CD164: variants seen among roughly 807,000 people sequenced by gnomAD.
The protein encoded by CD164 is sialomucin core protein 24.
A neutral mutation model predicts 24.6 loss-of-function variants in CD164; 11 were observed. That is an observed-to-expected ratio of 0.45 (90% CI 0.28 to 0.74). The LOEUF (loss-of-function observed/expected upper bound fraction) is 0.74, where lower values mean the gene tolerates loss of function less well. Among genes scored for constraint, CD164 ranks in the 30% least tolerant of loss-of-function variants. The pLI is 0.13. For synonymous variants in CD164, 126 were observed against 100.3 expected (o/e 1.26, Z -1.53); for missense variants, 295 against 243.7 (o/e 1.21, Z -1.40).
chr6:109,379,758 A>G (rs1771631145), intron 1 of CD164, 96 bp from the exon 2 acceptor site: 1 of 838,220 alleles, frequency 1.2e-6, no homozygotes, highest in Non-Finnish European at 1.9e-6. Context: ...TAAGCATTAC[A>G]TACAGCATCA....
intron 4 of CD164, among the ~76,000 whole-genome samples, chr6:109,373,283 T>C (rs1042195426): frequency 6.6e-6 from 1 of 152,220 alleles, no homozygotes; most frequent in African/African-American, 2.4e-5. Flanking sequence ...TATTCTATTA[T>C]TTGTACTGAA....
Position 109,368,516 on chromosome 6 carries a change from G to A in CD164, c.*335C>T, listed in dbSNP as rs1396592811. The A allele has an allele frequency of 1.5e-6, 2 of 1,362,484 alleles. No individual in the cohort carries two copies. The highest frequency in any genetic ancestry group is 3.6e-5 in the Admixed American group (1 of 27,934). The allele number at this position is 1,362,484 out of a possible 1,614,324, so 84.4% of individuals were successfully genotyped here. ...AATTACTAAATTTAAACTGCCAAGA[G>A]CCATGATGTTGTCTGCACAAGACAA... On this transcript the variant is annotated 3_prime_UTR_variant, in exon 6 of 6. Coordinates refer to ENST00000310786, the MANE Select transcript of CD164 (RefSeq NM_006016.6).
intron 5 of CD164, 92 bp from the exon 6 acceptor site, chr6:109,369,109 G>T: frequency 9.0e-7 from 1 of 1,106,342 alleles, no homozygotes; most frequent in Non-Finnish European, 1.3e-6. Flanking sequence ...TTTGCCATGT[G>T]TTAAATTCTA....
rs1028930900 is a variant in CD164 at position 109,367,141 on chromosome 6, G to A, written c.*1710C>T. Reference sequence around the variant, plus strand: ...TTACTAATGGAAACAAAAAATGTGAGGTAAACCGACCTTTCCCCAAGAAAC... The same window carrying A: ...TTACTAATGGAAACAAAAAATGTGAAGTAAACCGACCTTTCCCCAAGAAAC... On this transcript the variant is annotated 3_prime_UTR_variant, in exon 6 of 6. Transcript: ENST00000310786. 3 of 152,510 alleles carry A rather than the reference G, an allele frequency of 2.0e-5. No individual in the cohort carries two copies. Among genetic ancestry groups the A allele is most frequent in the African/African-American group, 7.2e-5 (3 of 41,416 alleles). The allele number at this position is 152,510 out of a possible 1,614,324, so 9.4% of individuals were successfully genotyped here. A position where few individuals can be genotyped will look rare whatever the true frequency, so the allele number is the denominator to read the frequency against.
At chr6:109,377,775 C>T (rs1343744348) in intron 3 of CD164, 125 bp downstream of exon 3, 1 of 720,278 alleles carries the variant, frequency 1.4e-6, no homozygotes, top group Non-Finnish European at 2.5e-6. Context: ...TATTCATATT[C>T]CAATTCTAAC....
intron 2 of CD164, among the ~76,000 whole-genome samples, chr6:109,379,035 C>T (rs1010821473): frequency 2.0e-5 from 3 of 152,150 alleles, no homozygotes; most frequent in African/African-American, 4.8e-5. Context: ...AGCGCTCTAC[C>T]TCTTGTATTA....
chr6:109,378,031 G>C, intron 2 of CD164, 60 bp from the exon 3 acceptor site: 2 of 1,357,746 alleles, frequency 1.5e-6, no homozygotes, highest in Non-Finnish European at 2.1e-6. Context: ...TATTATCTTT[G>C]ACTCTGCTAC....
chr6:109,382,441 A>C lies in CD164; in HGVS notation c.-63T>G, dbSNP rs541892621. The C allele has an allele frequency of 1.5e-5, 21 of 1,370,740 alleles. No individual in the cohort carries two copies. Among genetic ancestry groups the C allele is most frequent in the African/African-American group, 3.0e-5 (2 of 66,834 alleles). 84.9% of individuals were successfully genotyped at this position (1,370,740 alleles called of 1,614,324 possible). Reference sequence around the variant, plus strand: ...CTCGCAACGCTCAGTCAACCCCTCAATCCCCTGCGGCGCCGCCTCCGAGAC... The same window carrying C: ...CTCGCAACGCTCAGTCAACCCCTCACTCCCCTGCGGCGCCGCCTCCGAGAC... On this transcript the variant is annotated 5_prime_UTR_variant, in exon 1 of 6. Transcript: ENST00000310786.
Position 109,377,644 on chromosome 6 carries a change from TA to T in CD164, c.331+255del, listed in dbSNP as rs35168490. ...ACTGTGATGAATTCCTAGAAAAGTTTAAAAAAAAAAAAAAAAGTGTGGGGGC... is the reference window on the plus strand; with the variant it reads ...ACTGTGATGAATTCCTAGAAAAGTTTAAAAAAAAAAAAAAAGTGTGGGGGC... On this transcript the variant is annotated intron_variant, in intron 3 of 5. Coordinates refer to ENST00000310786, the MANE Select transcript of CD164 (RefSeq NM_006016.6). 0.28 allele frequency among the ~76,000 whole-genome samples: 40,002 copies of T among 141,324 alleles called. 5,622 individuals are homozygous for T. The highest frequency in any genetic ancestry group is 0.48 in the South Asian group (2,188 of 4,532). 92.7% of individuals were successfully genotyped at this position (141,324 alleles called of 152,430 possible).
intron 4 of CD164, chr6:109,372,214 A>G (rs1185754308): frequency 6.6e-6 from 1 of 152,190 alleles, no homozygotes; most frequent in Non-Finnish European, 1.5e-5. Flanking sequence ...TTCTACTAAT[A>G]TAAAAGAGGA....
chr6:109,376,086 C>T lies in CD164; in HGVS notation c.358G>A (p.Ala120Thr). Residue 120 changes from alanine to threonine, a missense_variant, in exon 4 of 6, where the codon GCC becomes ACC. Coordinates refer to ENST00000310786, the MANE Select transcript of CD164 (RefSeq NM_006016.6). ...CATCTTGAATTACCTGTAGAATTGG[C>T]TGTTGGCACTGGAGTGGCCGTGGAA... The part of the protein sequence containing the change: ...SVSTATPVPT[A>T]NSTAKPTVQP... 7 of 1,569,090 alleles carry T rather than the reference C, an allele frequency of 4.5e-6. No homozygotes were observed. The highest frequency in any genetic ancestry group is 6.0e-6 in the Non-Finnish European group (7 of 1,168,266).
intron 4 of CD164, chr6:109,371,634 T>C (rs908505958): frequency 3.9e-5 from 6 of 153,810 alleles, no homozygotes; most frequent in Admixed American, 6.5e-5. Flanking sequence ...GATGTGAATA[T>C]AGTTTCTACA....
intron 4 of CD164, among the ~76,000 whole-genome samples, chr6:109,374,892 TA>T (rs1280823053): frequency 6.6e-6 from 1 of 152,166 alleles, no homozygotes; most frequent in Non-Finnish European, 1.5e-5. Flanking sequence ...CATTCCTTCT[TA>T]CAAATTTCCC....
intron 1 of CD164, chr6:109,381,659 A>C: frequency 1.4e-6 from 1 of 694,146 alleles, no homozygotes; most frequent in Non-Finnish European, 2.6e-6. Flanking sequence ...AATGTAATTA[A>C]ATCTCAAGCG....
Position 109,368,147 on chromosome 6 carries a change from G to T in CD164, c.*704C>A. On this transcript the variant is annotated 3_prime_UTR_variant, in exon 6 of 6. Transcript: ENST00000310786. ...AATCCTTACCTTCCTTAATGTCAAA[G>T]AACAAATCATAGACATTAAGCTAGA... 2.4e-6 allele frequency: 2 copies of T among 844,902 alleles called. No homozygotes were observed. Among genetic ancestry groups the T allele is most frequent in the Non-Finnish European group, 3.5e-6 (2 of 572,492 alleles). The allele number at this position is 844,902 out of a possible 1,614,324, so 52.3% of individuals were successfully genotyped here.
At position 109,367,933 on chromosome 6, in the gene CD164, A is replaced by G. The variant is rs1396908850; in HGVS notation, c.*918T>C. On this transcript the variant is annotated 3_prime_UTR_variant, in exon 6 of 6. Transcript: ENST00000310786. ...TACAAAGGAAAGTGTAATTAAATCAATTTAGCTCTATACTTTTCAACAGCC... is the reference window on the plus strand; with the variant it reads ...TACAAAGGAAAGTGTAATTAAATCAGTTTAGCTCTATACTTTTCAACAGCC... 1 of 175,978 alleles carries G rather than the reference A, an allele frequency of 5.7e-6. No individual in the cohort carries two copies. Among genetic ancestry groups the G allele is most frequent in the East Asian group, 1.6e-4 (1 of 6,348 alleles). 10.9% of individuals were successfully genotyped at this position (175,978 alleles called of 1,614,324 possible). A position where few individuals can be genotyped will look rare whatever the true frequency, so the allele number is the denominator to read the frequency against.
chr6:109,379,714 T>C (rs563690550), intron 1 of CD164, 52 bp from the exon 2 acceptor site: 2 of 1,325,544 alleles, frequency 1.5e-6, no homozygotes, highest in East Asian at 4.6e-5. Flanking sequence ...ATTAGTATCT[T>C]ATTTGAATCT....
rs1375332469 is a variant in CD164 at position 109,368,162 on chromosome 6, AT to A, written c.*688del. Reference sequence around the variant, plus strand: ...TAATGTCAAAGAACAAATCATAGACATTAAGCTAGAGCTTACCTTTCACTGT... The same window carrying A: ...TAATGTCAAAGAACAAATCATAGACATAAGCTAGAGCTTACCTTTCACTGT... On this transcript the variant is annotated 3_prime_UTR_variant, in exon 6 of 6. Coordinates refer to ENST00000310786, the MANE Select transcript of CD164 (RefSeq NM_006016.6). 7.3e-6 allele frequency: 7 copies of A among 958,736 alleles called. No homozygotes were observed. In the African/African-American group the frequency reaches 1.2e-4, roughly 17 times the overall value. The allele number at this position is 958,736 out of a possible 1,614,324, so 59.4% of individuals were successfully genotyped here.
At chr6:109,379,466 AAAAT>A in intron 2 of CD164, 109 bp downstream of exon 2, 1 of 778,954 alleles carries the variant, frequency 1.3e-6, no homozygotes. Context: ...CTGGATTTGC[AAAAT>A]AAATAGTGCA....
Sources: gnomAD v4.1 joint callset for allele counts (sites outside exome capture counted in the v4.1 genomes callset) on GRCh38, gnomAD v4.1.1 for gene constraint, MANE v1.5 for transcripts, NCBI Gene and HGNC (gene_info 2026-07-23, HGNC 2026-07-21) for gene names.